Variants in CRYBA4 observed in about 807,000 individuals in gnomAD.
CRYBA4 encodes crystallin beta A4, also known as beta-crystallin A4.
In CRYBA4, 30 loss-of-function variants were observed where a neutral mutation model predicts 31.7. The observed-to-expected ratio is 0.95, with a 90% CI of 0.71 to 1.28. The LOEUF (loss-of-function observed/expected upper bound fraction) is 1.28, where lower values mean the gene tolerates loss of function less well. CRYBA4 is among the 50% of genes most tolerant of loss of function. The pLI is 0.00. For synonymous variants in CRYBA4, 102 were observed against 102.3 expected, an observed-to-expected ratio of 1.00 and a Z score of 0.02; for missense variants, 225 against 260.7, an observed-to-expected ratio of 0.86 and a Z score of 0.94.
the CRYBA4 span, chr22:26,607,917 C>T: frequency 1.9e-6 from 3 of 1,614,202 alleles, no homozygotes; most frequent in Non-Finnish European, 1.7e-6. Flanking sequence ...GGACATGAGC[C>T]GATCACTGCG....
chr22:26,591,740 CAA>C, the CRYBA4 span, among the ~76,000 whole-genome samples: 47 of 95,032 alleles, frequency 4.9e-4, no homozygotes, highest in African/African-American at 1.4e-3. Context: ...GACTCCGTCT[CAA>C]AAAAAAAAAA....
chr22:26,628,277 T>A lies in CRYBA4; in HGVS notation c.301-11T>A. ...AGCCTGCTGGTCTGACTGTGTTCCC[T>A]GTTCCTGTAGAACCACCGTGACTCG... On this transcript the variant is annotated splice_polypyrimidine_tract_variant and intron_variant, in intron 4 of 5. Coordinates refer to ENST00000354760, the MANE Select transcript of CRYBA4 (RefSeq NM_001886.3). 6.2e-7 allele frequency: 1 copy of A among 1,613,920 alleles called. No individual in the cohort carries two copies. Among genetic ancestry groups the A allele is most frequent in the Non-Finnish European group, 8.5e-7 (1 of 1,179,928 alleles).
At chr22:26,607,378 G>A in the CRYBA4 span, among the ~76,000 whole-genome samples, 1 of 151,834 alleles carries the variant, frequency 6.6e-6, no homozygotes, top group Non-Finnish European at 1.5e-5. Context: ...TTGGTGTTTC[G>A]AATGGGCACT....
At chr22:26,619,755 C>T (rs1449536709), upstream of CRYBA4, among the ~76,000 whole-genome samples, 1 of 152,186 alleles carries the variant, frequency 6.6e-6, no homozygotes, top group African/African-American at 2.4e-5. Flanking sequence ...GGGGCCAAGA[C>T]GCCTGTGGTG....
upstream of CRYBA4, among the ~76,000 whole-genome samples, chr22:26,620,298 T>C (rs1256098862): frequency 6.6e-6 from 1 of 152,224 alleles, no homozygotes; most frequent in African/African-American, 2.4e-5. Context: ...ATTTTTTATG[T>C]TGCAGGAGCA....
chr22:26,611,048 C>A, the CRYBA4 span, among the ~76,000 whole-genome samples: 1 of 152,300 alleles, frequency 6.6e-6, no homozygotes, highest in South Asian at 2.1e-4. Context: ...AACCACTCTG[C>A]CCAAGGATGA....
the CRYBA4 span, chr22:26,601,987 C>A: frequency 6.2e-7 from 1 of 1,613,786 alleles, no homozygotes; most frequent in South Asian, 1.1e-5. Context: ...GAAGTTGGCC[C>A]CTTCAAACAG....
the CRYBA4 span, among the ~76,000 whole-genome samples, chr22:26,602,191 G>C: frequency 2.0e-5 from 3 of 152,128 alleles, no homozygotes; most frequent in Non-Finnish European, 2.9e-5. Context: ...AGGAAAATGG[G>C]ATGACAACTC....
rs1569211816 is a variant in CRYBA4, at chr22:26,627,446, C to CT, written c.301-842_301-841insT. Reference sequence around the variant, plus strand: ...TTTCTTTTTCTTTCTTTCTTTCTTTCCTTCTTTCTTTTTCTTTCTTTCTTT... The same window carrying CT: ...TTTCTTTTTCTTTCTTTCTTTCTTTCTCTTCTTTCTTTTTCTTTCTTTCTTT... On this transcript the variant is annotated intron_variant, in intron 4 of 5. Transcript: ENST00000354760. Among the ~76,000 whole-genome samples, 131 of 110,910 alleles carry CT rather than the reference C, an allele frequency of 1.2e-3. 2 individuals carry two copies. Among genetic ancestry groups the CT allele is most frequent in the East Asian group, 1.6e-3 (5 of 3,040 alleles). 72.8% of individuals were successfully genotyped at this position (110,910 alleles called of 152,430 possible).
At chr22:26,628,178 G>A in intron 4 of CRYBA4, 110 bp from the exon 5 acceptor site, 1 of 1,518,632 alleles carries the variant, frequency 6.6e-7, no homozygotes, top group South Asian at 1.1e-5. Context: ...CAAAAGGTTT[G>A]CAAGGAAGGC....
At chr22:26,626,715 G>A (rs1179281293) in intron 4 of CRYBA4, among the ~76,000 whole-genome samples, 1 of 152,094 alleles carries the variant, frequency 6.6e-6, no homozygotes, top group Admixed American at 6.5e-5. Flanking sequence ...GTGTCATGTC[G>A]TCACTCAAAA....
the CRYBA4 span, among the ~76,000 whole-genome samples, chr22:26,611,165 C>A: frequency 6.6e-6 from 1 of 152,200 alleles, no homozygotes; most frequent in African/African-American, 2.4e-5. Flanking sequence ...ACTCAATCAA[C>A]CTGAGTTGAA....
chr22:26,607,019 CTTTTTTTTTTTT>C, the CRYBA4 span, among the ~76,000 whole-genome samples: 20 of 111,968 alleles, frequency 1.8e-4, no homozygotes, highest in African/African-American at 4.5e-4. Flanking sequence ...TATCCCTCTC[CTTTTTTTTTTTT>C]TTTTTTTTTG....
At chr22:26,615,521 T>TC in the CRYBA4 span, among the ~76,000 whole-genome samples, 10 of 151,062 alleles carry the variant, frequency 6.6e-5, no homozygotes, top group Non-Finnish European at 3.0e-5. Context: ...TCTATTCTTT[T>TC]CTTTTTTTTT....
At chr22:26,624,135 A>G (rs1156404171) in intron 3 of CRYBA4, among the ~76,000 whole-genome samples, 1 of 152,236 alleles carries the variant, frequency 6.6e-6, no homozygotes, top group Non-Finnish European at 1.5e-5. Flanking sequence ...ACCATATTGG[A>G]TAGAAGGCTC....
At chr22:26,621,710 T>C (rs996344401), upstream of CRYBA4, among the ~76,000 whole-genome samples, 2 of 152,224 alleles carry the variant, frequency 1.3e-5, no homozygotes, top group African/African-American at 4.8e-5. Flanking sequence ...TCTCCTGCTC[T>C]AGTCAGGAAC....
chr22:26,624,003 T>G (rs1460757108), intron 3 of CRYBA4, among the ~76,000 whole-genome samples: 2 of 152,242 alleles, frequency 1.3e-5, no homozygotes, highest in Non-Finnish European at 2.9e-5. Flanking sequence ...AACTGAATCT[T>G]GTTTAATCTT....
At position 26,622,273 on chromosome 22, in the gene CRYBA4, G is replaced by C. The variant is rs565920567; in HGVS notation, c.-13+287G>C. 2.0e-5 allele frequency among the ~76,000 whole-genome samples: 3 copies of C among 152,124 alleles called. No homozygotes were observed. The East Asian group carries it at 5.8e-4, about 29-fold the overall frequency. On this transcript the variant is annotated intron_variant, in intron 1 of 5. Coordinates refer to ENST00000354760, the MANE Select transcript of CRYBA4 (RefSeq NM_001886.3). ...TCTTATGCTGAGCATTTCAGCACTC[G>C]CTGGGGTGATGCACCCACCCACCAG...
intron 3 of CRYBA4, 27 bp downstream of exon 3, chr22:26,623,379 G>T: frequency 3.2e-6 from 5 of 1,570,058 alleles, no homozygotes; most frequent in Non-Finnish European, 4.4e-6. Context: ...ACTGAGTTGG[G>T]GTAGAGGGTG....
Sources: allele counts gnomAD v4.1 joint callset (sites outside exome capture counted in the v4.1 genomes callset), GRCh38; gene constraint gnomAD v4.1.1; transcripts MANE v1.5; gene names NCBI Gene and HGNC (gene_info 2026-07-23, HGNC 2026-07-21).